The following SGK1 variants were observed in gnomAD, a reference collection of about 807,000 sequenced individuals.
The protein encoded by SGK1 is serum/glucocorticoid regulated kinase 1, also known as serine/threonine-protein kinase Sgk1.
SGK1 carries 26 observed loss-of-function variants against 64.2 expected under a neutral mutation model. That is an observed-to-expected ratio of 0.40 (90% CI 0.30 to 0.56). SGK1 has a LOEUF of 0.56. SGK1 is among the 20% of genes least tolerant of loss of function. SGK1 has a pLI of 0.38. For synonymous variants in SGK1, 265 were observed against 239.7 expected (o/e 1.11, Z -0.98); for missense variants, 519 against 645.6 (o/e 0.80, Z 2.12).
intron 2 of SGK1, among the ~76,000 whole-genome samples, chr6:134,247,370 A>C (rs1444081817): frequency 6.6e-6 from 1 of 152,142 alleles, no homozygotes; most frequent in East Asian, 1.9e-4. Flanking sequence ...ACATGGCCTC[A>C]GTTCAAAGTC....
chr6:134,266,858 G>C (rs1443004584), intron 1 of SGK1, among the ~76,000 whole-genome samples: 2 of 152,182 alleles, frequency 1.3e-5, no homozygotes, highest in Admixed American at 1.3e-4. Context: ...AATTTCATTA[G>C]AGATGGATAA....
At chr6:134,175,566 C>T in intron 3 of SGK1, 4 of 1,561,316 alleles carry the variant, frequency 2.6e-6, no homozygotes, top group Non-Finnish European at 3.5e-6. Context: ...GCAGGAAGGA[C>T]TCGCTCCTTT....
chr6:134,230,340 G>A (rs2114712273), intron 2 of SGK1: 1 of 152,274 alleles, frequency 6.6e-6, no homozygotes, highest in African/African-American at 2.4e-5. Flanking sequence ...CTTTCATACT[G>A]CTATAAAGAA....
chr6:134,197,494 T>C (rs1233028403), intron 3 of SGK1, among the ~76,000 whole-genome samples: 1 of 152,180 alleles, frequency 6.6e-6, no homozygotes, highest in Non-Finnish European at 1.5e-5. Flanking sequence ...CAGCTATTGT[T>C]ATGTTGAGGT....
chr6:134,198,661 T>C (rs1775631432), intron 3 of SGK1, among the ~76,000 whole-genome samples: 1 of 151,618 alleles, frequency 6.6e-6, no homozygotes, highest in Non-Finnish European at 1.5e-5. Flanking sequence ...AAACTATTAC[T>C]GCTCCTGAGT....
intron 1 of SGK1, among the ~76,000 whole-genome samples, chr6:134,281,108 A>G (rs576925516): frequency 6.6e-6 from 1 of 152,272 alleles, no homozygotes; most frequent in South Asian, 2.1e-4. Context: ...ATCTTTGGAA[A>G]TTTCACACCC....
At chr6:134,230,861 A>G (rs964162160) in intron 2 of SGK1, among the ~76,000 whole-genome samples, 1 of 152,168 alleles carries the variant, frequency 6.6e-6, no homozygotes, top group Non-Finnish European at 1.5e-5. Context: ...TAAAAATACA[A>G]AAATCAGCTG....
chr6:134,206,293 C>T (rs115200678), intron 3 of SGK1, among the ~76,000 whole-genome samples: 4,929 of 143,634 alleles, frequency 0.034, 130 homozygotes, highest in African/African-American at 0.067. Context: ...CCTCATTCCT[C>T]CCAACACTTA....
chr6:134,206,371 ATATATATATATATTTTTTTTT>A, intron 3 of SGK1, among the ~76,000 whole-genome samples: 1 of 4,974 alleles, frequency 2.0e-4, no homozygotes, highest in African/African-American at 4.9e-4. Context: ...ATATATATAT[ATATATATATATATTTTTTTTT>A]TTTTTTTTTT....
chr6:134,177,417 A>G (rs1450953070), intron 3 of SGK1, among the ~76,000 whole-genome samples: 1 of 152,178 alleles, frequency 6.6e-6, no homozygotes, highest in African/African-American at 2.4e-5. Flanking sequence ...CCACCATTCA[A>G]CTAGCCTAGC....
intron 3 of SGK1, among the ~76,000 whole-genome samples, chr6:134,193,570 C>T: frequency 6.6e-6 from 1 of 151,388 alleles, no homozygotes. Flanking sequence ...GAGTGAGTTG[C>T]TGTTGTTTTT....
At chr6:134,242,684 C>G (rs542892940) in intron 2 of SGK1, among the ~76,000 whole-genome samples, 1 of 151,082 alleles carries the variant, frequency 6.6e-6, no homozygotes, top group Admixed American at 6.6e-5. Context: ...AGGCTGGTCT[C>G]GAACTCCTGG....
intron 2 of SGK1, chr6:134,261,586 C>T: frequency 1.9e-6 from 1 of 529,776 alleles, no homozygotes; most frequent in South Asian, 3.1e-5. Flanking sequence ...ATACATTAGT[C>T]CAAACCCATA....
At chr6:134,177,984 A>C in intron 3 of SGK1, 1 of 655,122 alleles carries the variant, frequency 1.5e-6, no homozygotes, top group African/African-American at 1.8e-5. Flanking sequence ...TCAGTGTCCT[A>C]GCTTTATTAC....
chr6:134,281,167 T>C (rs1020615052), intron 1 of SGK1, among the ~76,000 whole-genome samples: 4 of 152,168 alleles, frequency 2.6e-5, no homozygotes, highest in African/African-American at 9.7e-5. Flanking sequence ...TGTTTTAAAG[T>C]CCCCATTCCA....
chr6:134,218,794 A>G (rs1339990899), intron 2 of SGK1: 1 of 152,118 alleles, frequency 6.6e-6, no homozygotes, highest in African/African-American at 2.4e-5. Context: ...ATAAGTACGG[A>G]CACATGAGTA....
At chr6:134,224,373 T>A (rs1486875572) in intron 2 of SGK1, among the ~76,000 whole-genome samples, 3 of 152,110 alleles carry the variant, frequency 2.0e-5, no homozygotes, top group Admixed American at 2.0e-4. Context: ...GTGGATAGAT[T>A]TAGTGAGTAT....
chr6:134,227,195 C>T (rs990521162), intron 2 of SGK1, among the ~76,000 whole-genome samples: 3 of 151,930 alleles, frequency 2.0e-5, no homozygotes, highest in Non-Finnish European at 4.4e-5. Flanking sequence ...AGTACAGTGG[C>T]ACAATCTCAA....
intron 3 of SGK1, among the ~76,000 whole-genome samples, chr6:134,189,279 T>C (rs986997689): frequency 1.3e-5 from 2 of 152,052 alleles, no homozygotes; most frequent in Non-Finnish European, 2.9e-5. Flanking sequence ...TATTTTTGTG[T>C]GTCTGATAAC....
Sources: allele counts gnomAD v4.1 joint callset (sites outside exome capture counted in the v4.1 genomes callset), GRCh38; gene constraint gnomAD v4.1.1; transcripts MANE v1.5; gene names NCBI Gene and HGNC (gene_info 2026-07-23, HGNC 2026-07-21).